The following PLEKHA7 variants were observed in gnomAD, a reference collection of about 807,000 sequenced individuals.
The protein encoded by PLEKHA7 is pleckstrin homology domain-containing family A member 7.
Under a neutral mutation model 170.0 loss-of-function variants are expected in PLEKHA7, and 104 were observed. The observed-to-expected ratio is 0.61, with a 90% CI of 0.52 to 0.72. PLEKHA7 has a LOEUF of 0.72. Ranked by LOEUF, PLEKHA7 falls within the 30% of genes least tolerant of loss-of-function variation. The pLI, the probability that PLEKHA7 is intolerant of heterozygous loss-of-function variation, is 0.00. For missense variants in PLEKHA7, 1,615 were observed against 1,671.7 expected (o/e 0.97, Z 0.59); for synonymous variants, 648 against 660.8 (o/e 0.98, Z 0.30).
In PLEKHA7 at chr11:16,794,835, G is replaced by A. The variant is rs1848108069; in HGVS notation, c.2518+75C>T. 7 of 1,463,950 alleles carry A rather than the reference G, an allele frequency of 4.8e-6. No individual in the cohort carries two copies. The South Asian group carries it at 6.8e-5, about 14-fold the overall frequency. 90.7% of individuals were successfully genotyped at this position (1,463,950 alleles called of 1,614,324 possible). On this transcript the variant is annotated intron_variant, in intron 18 of 26. Coordinates refer to ENST00000531066, the MANE Select transcript of PLEKHA7 (RefSeq NM_001329630.2). ...TCCCCAAGGGCCATCCCACCCACCT[G>A]GTTCCCAGCCTTCCACCCTCCCACC...
chr11:16,910,362 C>T (rs1858159663), intron 3 of PLEKHA7, among the ~76,000 whole-genome samples: 1 of 152,204 alleles, frequency 6.6e-6, no homozygotes, highest in Admixed American at 6.5e-5. Context: ...AGTGATCTTT[C>T]CAAGCTTATT....
At chr11:17,013,649 C>T (rs1212459683) in intron 3 of PLEKHA7, among the ~76,000 whole-genome samples, 14 of 152,274 alleles carry the variant, frequency 9.2e-5, no homozygotes, top group Non-Finnish European at 2.1e-4. Context: ...TCCCGGCACT[C>T]GCCTCTCCCG....
In PLEKHA7 at chr11:16,817,771, T is replaced by TA. The variant is rs1849886345; in HGVS notation, c.1344-450dup. Among the ~76,000 whole-genome samples the TA allele has an allele frequency of 6.6e-6, 1 of 152,230 alleles. No individual in the cohort carries two copies. The highest frequency in any genetic ancestry group is 2.1e-4 in the South Asian group (1 of 4,834). On this transcript the variant is annotated intron_variant, in intron 10 of 26. Coordinates refer to ENST00000531066, the MANE Select transcript of PLEKHA7 (RefSeq NM_001329630.2). The surrounding 1 kb of genome is among the most constrained non-coding windows in gnomAD (Gnocchi z 4.4). The stretch of plus-strand genomic sequence containing the variant: ...CAGTTCTCTTTTTTCTGGACTCTTC[T>TA]AGTCCAGATACTGATTAATTATCTC...
At chr11:16,811,389 T>C (rs907045705) in intron 13 of PLEKHA7, among the ~76,000 whole-genome samples, 3 of 152,156 alleles carry the variant, frequency 2.0e-5, no homozygotes, top group Non-Finnish European at 4.4e-5. Flanking sequence ...GAGTGGACTG[T>C]TGGGCCCTGG....
At chr11:16,781,948 C>T (rs1849051597) in intron 26 of PLEKHA7, among the ~76,000 whole-genome samples, 1 of 152,108 alleles carries the variant, frequency 6.6e-6, no homozygotes, top group South Asian at 2.1e-4. Context: ...GGCCTCTGCA[C>T]TGGGGGAGAA....
At chr11:16,783,665 G>T (rs754065844) in intron 25 of PLEKHA7, 35 bp downstream of exon 25, 30 of 1,373,472 alleles carry the variant, frequency 2.2e-5, no homozygotes, top group Admixed American at 6.4e-5. Flanking sequence ...TGGGGTCAGG[G>T]TGACCTGCCA....
At position 16,817,914 on chromosome 11, in the gene PLEKHA7, A is replaced by C. The variant is rs1769871370; in HGVS notation, c.1344-592T>G. On this transcript the variant is annotated intron_variant, in intron 10 of 26. Transcript: ENST00000531066. The surrounding 1 kb of genome is among the most constrained non-coding windows in gnomAD (Gnocchi z 4.4). ...CATGGCTCCTTGTCCCTTCTGAAATAAAGTCTAAACTCCTCAGCCTGGTAC... is the reference window on the plus strand; with the variant it reads ...CATGGCTCCTTGTCCCTTCTGAAATCAAGTCTAAACTCCTCAGCCTGGTAC... 6.6e-6 allele frequency among the ~76,000 whole-genome samples: 1 copy of C among 152,154 alleles called. No individual in the cohort carries two copies. The highest frequency in any genetic ancestry group is 1.5e-5 in the Non-Finnish European group (1 of 68,030).
chr11:16,885,431 G>A lies in PLEKHA7; in HGVS notation c.222-14249C>T, dbSNP rs542641753. 2.0e-5 allele frequency among the ~76,000 whole-genome samples: 3 copies of A among 151,952 alleles called. No homozygotes were observed. The South Asian group carries it at 6.2e-4, about 32-fold the overall frequency. The stretch of plus-strand genomic sequence containing the variant: ...CCCAGCACTTTGGGAGGCTGAGGTG[G>A]GCGGATCACTTGAGGTCAGGAATTT... On this transcript the variant is annotated intron_variant, in intron 3 of 26. Coordinates refer to ENST00000531066, the MANE Select transcript of PLEKHA7 (RefSeq NM_001329630.2).
intron 3 of PLEKHA7, among the ~76,000 whole-genome samples, chr11:16,980,902 A>G (rs1024053769): frequency 1.4e-5 from 2 of 144,606 alleles, no homozygotes; most frequent in Non-Finnish European, 3.0e-5. Context: ...ACAACAACAA[A>G]CCAGCAAGAT....
chr11:16,887,223 G>A (rs1282618922), intron 3 of PLEKHA7, among the ~76,000 whole-genome samples: 2 of 152,126 alleles, frequency 1.3e-5, no homozygotes, highest in South Asian at 2.1e-4. Context: ...AAGAATTTTA[G>A]ATTGCTTAAG....
At chr11:16,811,716 T>C (rs188579852) in intron 13 of PLEKHA7, among the ~76,000 whole-genome samples, 145 of 152,358 alleles carry the variant, frequency 9.5e-4, no homozygotes, top group African/African-American at 3.4e-3. Flanking sequence ...GAAAGCTCCT[T>C]GTTCTCCTCA....
At chr11:16,795,465 T>A (rs1040404158) in intron 17 of PLEKHA7, 1 of 178,984 alleles carries the variant, frequency 5.6e-6, no homozygotes, top group Non-Finnish European at 1.2e-5. Flanking sequence ...AAAATGTGAA[T>A]GTACTTAACA....
rs752212131 is a variant in PLEKHA7, at chr11:17,014,014, C to T, written c.196G>A (p.Glu66Lys). The T allele has an allele frequency of 4.9e-5, 76 of 1,549,702 alleles. No homozygotes were observed. The highest frequency in any genetic ancestry group is 5.8e-5 in the Non-Finnish European group (67 of 1,147,434). ...LPRGWEEGFT[E>K]EGASYFIDHN... ...TCGATGAAGTAGCTGGCGCCCTCCTCCGTGAAGCCCTCCTCCCAGCCGCGG... is the reference window on the plus strand; with the variant it reads ...TCGATGAAGTAGCTGGCGCCCTCCTTCGTGAAGCCCTCCTCCCAGCCGCGG... The change falls in exon 3 of 27, where the codon GAG (glutamate) becomes AAG (lysine). Residue 66 changes from glutamate to lysine, a missense_variant. Transcript: ENST00000531066.
intron 10 of PLEKHA7, among the ~76,000 whole-genome samples, chr11:16,818,129 T>G (rs216497): frequency 0.67 from 101,431 of 152,040 alleles, 34,470 homozygotes; most frequent in South Asian, 0.84. Flanking sequence ...CTCCACACCT[T>G]AGCAACATCT....
At chr11:16,931,579 C>A (rs1473685955) in intron 3 of PLEKHA7, among the ~76,000 whole-genome samples, 1 of 151,696 alleles carries the variant, frequency 6.6e-6, no homozygotes, top group East Asian at 1.9e-4. Context: ...ACAAAACAAA[C>A]AAACACAACA....
At chr11:16,889,235 T>C (rs924147089) in intron 3 of PLEKHA7, among the ~76,000 whole-genome samples, 1 of 151,732 alleles carries the variant, frequency 6.6e-6, no homozygotes, top group Admixed American at 6.6e-5. Flanking sequence ...CCCCACCATG[T>C]ACCTTGTGAC....
intron 9 of PLEKHA7, among the ~76,000 whole-genome samples, chr11:16,828,284 T>G (rs1850817821): frequency 6.6e-6 from 1 of 152,214 alleles, no homozygotes; most frequent in Non-Finnish European, 1.5e-5. Flanking sequence ...GGGTGCGTTC[T>G]CATGAGATCT....
intron 3 of PLEKHA7, among the ~76,000 whole-genome samples, chr11:16,948,671 C>G (rs74987942): frequency 7.3e-6 from 1 of 136,486 alleles, no homozygotes; most frequent in East Asian, 2.2e-4. Context: ...CACACACACA[C>G]ACAGACACCC....
chr11:16,933,423 G>C (rs1860078830), intron 3 of PLEKHA7, among the ~76,000 whole-genome samples: 1 of 152,152 alleles, frequency 6.6e-6, no homozygotes, highest in East Asian at 1.9e-4. Context: ...TGGCCAAAAT[G>C]GCAACAGTGA....
Sources: allele counts gnomAD v4.1 joint callset (sites outside exome capture counted in the v4.1 genomes callset), GRCh38; gene constraint gnomAD v4.1.1; non-coding constraint Gnocchi (gnomAD v3.1); transcripts MANE v1.5; gene names NCBI Gene and HGNC (gene_info 2026-07-23, HGNC 2026-07-21).